FAM237B: variants seen among roughly 807,000 people sequenced by gnomAD.
FAM237B encodes family with sequence similarity 237 member B, also known as protein FAM237B.
rs1041473579 is a variant in FAM237B at position 90,318,124 on chromosome 7, A to C, written c.*1205T>G. The C allele has an allele frequency of 2.6e-5, 4 of 152,210 alleles. No individual in the cohort carries two copies. Among genetic ancestry groups the C allele is most frequent in the African/African-American group, 9.6e-5 (4 of 41,460 alleles). The allele number at this position is 152,210 out of a possible 1,614,324, so 9.4% of individuals were successfully genotyped here. On this transcript the variant is annotated 3_prime_UTR_variant, in exon 3 of 3. Coordinates refer to ENST00000692316, the MANE Select transcript of FAM237B (RefSeq NM_001384237.2). ...TAGGCTTTTACGACATGCATTCAAA[A>C]AGTATTAATCTAAACCGTAACTCCA...
In FAM237B at chr7:90,318,792, C is replaced by A. The variant is rs1795050065; in HGVS notation, c.*537G>T. 6.6e-6 allele frequency: 1 copy of A among 152,078 alleles called. No individual in the cohort carries two copies. The highest frequency in any genetic ancestry group is 2.4e-5 in the African/African-American group (1 of 41,438). 9.4% of individuals were successfully genotyped at this position (152,078 alleles called of 1,614,324 possible). A position where few individuals can be genotyped will look rare whatever the true frequency, so the allele number is the denominator to read the frequency against. On this transcript the variant is annotated 3_prime_UTR_variant, in exon 3 of 3. Coordinates refer to ENST00000692316, the MANE Select transcript of FAM237B (RefSeq NM_001384237.2). ...TATCAGTATTAAATAATTTGTATAA[C>A]TATGACAAGAAATATTTGACCTCAT... is the stretch of plus-strand genomic sequence containing the variant.
At chr7:90,320,757 T>G (rs1795246300) in intron 1 of FAM237B, 30 bp from the exon 2 acceptor site, 1 of 152,268 alleles carries the variant, frequency 6.6e-6, no homozygotes. Flanking sequence ...GAATCAAATC[T>G]AAACAGGACA....
rs1794893713 is a variant in FAM237B at position 90,317,330 on chromosome 7, T to C, written c.*1999A>G. 1 of 152,126 alleles carries C rather than the reference T, an allele frequency of 6.6e-6. No homozygotes were observed. Among genetic ancestry groups the C allele is most frequent in the Non-Finnish European group, 1.5e-5 (1 of 67,990 alleles). The allele number at this position is 152,126 out of a possible 1,614,324, so 9.4% of individuals were successfully genotyped here. A position where few individuals can be genotyped will look rare whatever the true frequency, so the allele number is the denominator to read the frequency against. ...CATATCAGACTAATTATTTGTCATA[T>C]AAATTCCACAAATCAAAAGCTTAAT... On this transcript the variant is annotated 3_prime_UTR_variant, in exon 3 of 3. Coordinates refer to ENST00000692316, the MANE Select transcript of FAM237B (RefSeq NM_001384237.2).
Position 90,319,353 on chromosome 7 carries a change from A to G in FAM237B, c.396T>C (p.Asn132=), listed in dbSNP as rs971662400. 8 of 398,486 alleles carry G rather than the reference A, an allele frequency of 2.0e-5. No individual in the cohort carries two copies. Among genetic ancestry groups the G allele is most frequent in the African/African-American group, 1.6e-4 (8 of 48,640 alleles). The allele number at this position is 398,486 out of a possible 1,614,324, so 24.7% of individuals were successfully genotyped here. ...YNFPQKITGG[N]LNVYLRE ...GCTATTCTCTTAAATACACATTTAA[A>G]TTACCTCCTGTTATTTTCTGTGGAA... The change falls in exon 3 of 3, where the codon AAT becomes AAC. Residue 132 remains asparagine (N), a synonymous_variant. Transcript: ENST00000692316.
At position 90,317,201 on chromosome 7, in the gene FAM237B, T is replaced by G. The variant is rs1365443201; in HGVS notation, c.*2128A>C. On this transcript the variant is annotated 3_prime_UTR_variant, in exon 3 of 3. Coordinates refer to ENST00000692316, the MANE Select transcript of FAM237B (RefSeq NM_001384237.2). ...TGGCAAGATTAACTCAACTTTTTAC[T>G]CCTGTCACATAAATGTGACTCCTCT... is the stretch of plus-strand genomic sequence containing the variant. 3 of 152,156 alleles carry G rather than the reference T, an allele frequency of 2.0e-5. No homozygotes were observed. Among genetic ancestry groups the G allele is most frequent in the African/African-American group, 7.2e-5 (3 of 41,458 alleles). The allele number at this position is 152,156 out of a possible 1,614,324, so 9.4% of individuals were successfully genotyped here.
rs1468985108 is a variant in FAM237B, at chr7:90,319,685, C to A, written c.64G>T (p.Val22Phe). The A allele has an allele frequency of 5.0e-6, 2 of 398,402 alleles. No individual in the cohort carries two copies. Among genetic ancestry groups the A allele is most frequent in the African/African-American group, 4.1e-5 (2 of 48,582 alleles). The allele number at this position is 398,402 out of a possible 1,614,324, so 24.7% of individuals were successfully genotyped here. Residue 22 changes from valine to phenylalanine, a missense_variant, in exon 3 of 3, where the codon GTT becomes TTT. Transcript: ENST00000692316. Reference sequence around the variant, plus strand: ...TTTTGAAACTCAAAGTCAGCATTAACCAGATTGATCAGCATCATGCAGCCC... The same window carrying A: ...TTTTGAAACTCAAAGTCAGCATTAAACAGATTGATCAGCATCATGCAGCCC... The part of the protein sequence containing the change: ...HLGCMMLINL[V>F]NADFEFQKGV...
At position 90,320,996 on chromosome 7, in the gene FAM237B, G is replaced by C. The variant is rs1330088010; in HGVS notation, c.-125C>G. 6.6e-6 allele frequency: 1 copy of C among 152,266 alleles called. No homozygotes were observed. Among genetic ancestry groups the C allele is most frequent in the Non-Finnish European group, 1.5e-5 (1 of 68,094 alleles). The allele number at this position is 152,266 out of a possible 1,614,324, so 9.4% of individuals were successfully genotyped here. ...CGTCCGAGGAGCGCGTCCCGGCGCG[G>C]TGTCCTGGGTGCGCTACGCTCGTTG... On this transcript the variant is annotated 5_prime_UTR_variant, in exon 1 of 3. Transcript: ENST00000692316.
Position 90,321,191 on chromosome 7 carries a change from A to G in FAM237B, c.-320T>C, listed in dbSNP as rs1207847227. The G allele has an allele frequency of 2.0e-5, 3 of 152,226 alleles. No homozygotes were observed. Among genetic ancestry groups the G allele is most frequent in the Non-Finnish European group, 2.9e-5 (2 of 68,074 alleles). 9.4% of individuals were successfully genotyped at this position (152,226 alleles called of 1,614,324 possible). ...GCTCACCGGGCGCCCAAGCTCGCTC[A>G]GCGGAACCGTCTCGGCCGCGGTGCG... On this transcript the variant is annotated 5_prime_UTR_variant, in exon 1 of 3. Transcript: ENST00000692316.
chr7:90,319,340 AAT>A lies in FAM237B; in HGVS notation c.407_408del (p.Tyr136PhefsTer15). On this transcript the variant is annotated frameshift_variant, in exon 3 of 3. Transcript: ENST00000692316. LOFTEE classifies it high-confidence loss of function. ...AGAAAAGTAAACTGCTATTCTCTTA[AAT>A]ACACATTTAAATTACCTCCTGTTAT... Reference protein sequence around the residue: ...QKITGGNLNVYLRE With the variant: ...QKITGGNLNVXLRE 1 of 398,598 alleles carries A rather than the reference AAT, an allele frequency of 2.5e-6. No individual in the cohort carries two copies. Among genetic ancestry groups the A allele is most frequent in the East Asian group, 3.6e-5 (1 of 28,078 alleles). 24.7% of individuals were successfully genotyped at this position (398,598 alleles called of 1,614,324 possible).
At position 90,318,681 on chromosome 7, in the gene FAM237B, A is replaced by G. The variant is rs925685577; in HGVS notation, c.*648T>C. 2 of 152,098 alleles carry G rather than the reference A, an allele frequency of 1.3e-5. No homozygotes were observed. Among genetic ancestry groups the G allele is most frequent in the African/African-American group, 4.8e-5 (2 of 41,458 alleles). The allele number at this position is 152,098 out of a possible 1,614,324, so 9.4% of individuals were successfully genotyped here. Reference sequence around the variant, plus strand: ...TAAAACAAAGACACTTTAAAAAGACACCTTCTAAGTAAAAAATTGAGAAAT... The same window carrying G: ...TAAAACAAAGACACTTTAAAAAGACGCCTTCTAAGTAAAAAATTGAGAAAT... On this transcript the variant is annotated 3_prime_UTR_variant, in exon 3 of 3. Transcript: ENST00000692316.
rs575178096 is a variant in FAM237B, at chr7:90,317,648, A to T, written c.*1681T>A. ...GAAATTACATGCAAAATGTAATTTTAAGAGTGTTTATATATAAAACCCCTA... is the reference window on the plus strand; with the variant it reads ...GAAATTACATGCAAAATGTAATTTTTAGAGTGTTTATATATAAAACCCCTA... On this transcript the variant is annotated 3_prime_UTR_variant, in exon 3 of 3. Transcript: ENST00000692316. 6.6e-6 allele frequency: 1 copy of T among 152,274 alleles called. No homozygotes were observed. Among genetic ancestry groups the T allele is most frequent in the South Asian group, 2.1e-4 (1 of 4,824 alleles). 9.4% of individuals were successfully genotyped at this position (152,274 alleles called of 1,614,324 possible).
chr7:90,319,869 C>G, intron 2 of FAM237B, 118 bp from the exon 3 acceptor site: 1 of 397,194 alleles, frequency 2.5e-6, no homozygotes, highest in Non-Finnish European at 4.4e-6. Context: ...AATCTGCTTA[C>G]TAGGTATTCA....
rs1795066796 is a variant in FAM237B, at chr7:90,318,959, T to A, written c.*370A>T. On this transcript the variant is annotated 3_prime_UTR_variant, in exon 3 of 3. Transcript: ENST00000692316. ...TTAATATTCATTCCAATATGACTCT[T>A]AAATTTCCTGCTTTTATACAACCCT... is the stretch of plus-strand genomic sequence containing the variant. 6.4e-6 allele frequency: 1 copy of A among 156,136 alleles called. No homozygotes were observed. Among genetic ancestry groups the A allele is most frequent in the South Asian group, 2.1e-4 (1 of 4,866 alleles). The allele number at this position is 156,136 out of a possible 1,614,324, so 9.7% of individuals were successfully genotyped here. A position where few individuals can be genotyped will look rare whatever the true frequency, so the allele number is the denominator to read the frequency against.
rs1365443201 is a variant in FAM237B at position 90,317,201 on chromosome 7, T to C, written c.*2128A>G. 1 of 152,156 alleles carries C rather than the reference T, an allele frequency of 6.6e-6. No homozygotes were observed. Among genetic ancestry groups the C allele is most frequent in the African/African-American group, 2.4e-5 (1 of 41,458 alleles). 9.4% of individuals were successfully genotyped at this position (152,156 alleles called of 1,614,324 possible). A position where few individuals can be genotyped will look rare whatever the true frequency, so the allele number is the denominator to read the frequency against. On this transcript the variant is annotated 3_prime_UTR_variant, in exon 3 of 3. Coordinates refer to ENST00000692316, the MANE Select transcript of FAM237B (RefSeq NM_001384237.2). ...TGGCAAGATTAACTCAACTTTTTACTCCTGTCACATAAATGTGACTCCTCT... is the reference window on the plus strand; with the variant it reads ...TGGCAAGATTAACTCAACTTTTTACCCCTGTCACATAAATGTGACTCCTCT...
At chr7:90,319,777 GATAT>G (rs1795142186) in intron 2 of FAM237B, 26 bp from the exon 3 acceptor site, 1 of 398,194 alleles carries the variant, frequency 2.5e-6, no homozygotes, top group Non-Finnish European at 4.4e-6. Flanking sequence ...AATGAGAGAG[GATAT>G]ATTTAACTTA....
intron 2 of FAM237B, among the ~76,000 whole-genome samples, chr7:90,320,104 A>C (rs1795187672): frequency 1.3e-5 from 2 of 152,238 alleles, no homozygotes; most frequent in South Asian, 2.1e-4. Flanking sequence ...GCAAGTCTTC[A>C]GACTCCTGAC....
rs1231716374 is a variant in FAM237B at position 90,317,138 on chromosome 7, A to G, written c.*2191T>C. The G allele has an allele frequency of 1.3e-5, 2 of 151,988 alleles. No homozygotes were observed. Among genetic ancestry groups the G allele is most frequent in the Non-Finnish European group, 2.9e-5 (2 of 67,978 alleles). The allele number at this position is 151,988 out of a possible 1,614,324, so 9.4% of individuals were successfully genotyped here. A position where few individuals can be genotyped will look rare whatever the true frequency, so the allele number is the denominator to read the frequency against. ...AGCAGTTTAATGATAAAGAACACAGATGTTCAATATGGAGATGAGAAAGGA... is the reference window on the plus strand; with the variant it reads ...AGCAGTTTAATGATAAAGAACACAGGTGTTCAATATGGAGATGAGAAAGGA... On this transcript the variant is annotated 3_prime_UTR_variant, in exon 3 of 3. Coordinates refer to ENST00000692316, the MANE Select transcript of FAM237B (RefSeq NM_001384237.2).
rs2117582303 is a variant in FAM237B at position 90,318,378 on chromosome 7, A to T, written c.*951T>A. 6.6e-6 allele frequency: 1 copy of T among 152,296 alleles called. No individual in the cohort carries two copies. Among genetic ancestry groups the T allele is most frequent in the East Asian group, 1.9e-4 (1 of 5,190 alleles). The allele number at this position is 152,296 out of a possible 1,614,324, so 9.4% of individuals were successfully genotyped here. A position where few individuals can be genotyped will look rare whatever the true frequency, so the allele number is the denominator to read the frequency against. On this transcript the variant is annotated 3_prime_UTR_variant, in exon 3 of 3. Transcript: ENST00000692316. ...GTTTATTGTTCCTTTTTCAAAACAA[A>T]GACAATAAAAATGAGAACATAAAAA...
chr7:90,319,582 A>G lies in FAM237B; in HGVS notation c.167T>C (p.Leu56Ser). The G allele has an allele frequency of 2.5e-6, 1 of 398,614 alleles. No individual in the cohort carries two copies. The highest frequency in any genetic ancestry group is 2.1e-5 in the African/African-American group (1 of 48,744). The allele number at this position is 398,614 out of a possible 1,614,324, so 24.7% of individuals were successfully genotyped here. A position where few individuals can be genotyped will look rare whatever the true frequency, so the allele number is the denominator to read the frequency against. The stretch of plus-strand genomic sequence containing the variant: ...TATCTTGAGTTCCTTGAGATCTATC[A>G]ATGTCAAAGAGCAAGCTTTCCAGCA... ...LQCWKACSLT[L>S]IDLKELKIEH... is the part of the protein sequence containing the mutation. The change falls in exon 3 of 3, where the codon TTG (leucine) becomes TCG (serine). Residue 56 changes from leucine (L) to serine (S), a missense_variant. Coordinates refer to ENST00000692316, the MANE Select transcript of FAM237B (RefSeq NM_001384237.2).
Sources: allele counts gnomAD v4.1 joint callset (sites outside exome capture counted in the v4.1 genomes callset), GRCh38; gene constraint gnomAD v4.1.1; transcripts MANE v1.5; gene names NCBI Gene and HGNC (gene_info 2026-07-23, HGNC 2026-07-21).